BORCS5: variants seen among roughly 807,000 people sequenced by gnomAD.
BORCS5 encodes the protein BLOC-1-related complex subunit 5.
BORCS5 carries 17 observed loss-of-function variants against 22.1 expected under a neutral mutation model. That is an observed-to-expected ratio of 0.77 (90% confidence interval 0.53 to 1.15). BORCS5 has a LOEUF of 1.15. Among genes scored for constraint, BORCS5 ranks in the 50% most tolerant of loss-of-function variants. BORCS5 has a pLI of 0.00. For synonymous variants in BORCS5, 117 were observed against 99.8 expected (o/e 1.17, Z -1.03); for missense variants, 247 against 253.2 (o/e 0.98, Z 0.17).
At chr12:12,359,506 G>C (rs1863227179) in intron 1 of BORCS5, among the ~76,000 whole-genome samples, 3 of 151,766 alleles carry the variant, frequency 2.0e-5, no homozygotes, top group Admixed American at 6.6e-5. Flanking sequence ...GGATTACAGG[G>C]ACATGCCACC....
intron 2 of BORCS5, among the ~76,000 whole-genome samples, chr12:12,363,459 G>T (rs111937438): frequency 6.6e-6 from 1 of 152,212 alleles, no homozygotes; most frequent in East Asian, 1.9e-4. Flanking sequence ...AAATTAGGCC[G>T]GGCGCAGTGG....
chr12:12,448,887 C>T (rs1173419954), intron 3 of BORCS5, among the ~76,000 whole-genome samples: 1 of 152,194 alleles, frequency 6.6e-6, no homozygotes, highest in Non-Finnish European at 1.5e-5. Flanking sequence ...GCCCAATGTT[C>T]AAGCATGTTC....
intron 2 of BORCS5, among the ~76,000 whole-genome samples, chr12:12,374,737 C>T (rs1218940089): frequency 6.6e-6 from 1 of 151,950 alleles, no homozygotes; most frequent in Non-Finnish European, 1.5e-5. Flanking sequence ...GTGGGTGGAT[C>T]ACTTGAGGTC....
At chr12:12,399,761 T>A (rs941149550) in intron 2 of BORCS5, among the ~76,000 whole-genome samples, 1 of 152,206 alleles carries the variant, frequency 6.6e-6, no homozygotes, top group Non-Finnish European at 1.5e-5. Context: ...CCAAAGACTG[T>A]GTCCTTCTAG....
At chr12:12,413,792 G>A (rs1341610065) in intron 2 of BORCS5, among the ~76,000 whole-genome samples, 7 of 75,814 alleles carry the variant, frequency 9.2e-5, no homozygotes, top group Admixed American at 2.2e-4. Context: ...GCCGGGCAGA[G>A]GCGCCCCTCA....
chr12:12,417,730 A>C (rs571383953), intron 2 of BORCS5, among the ~76,000 whole-genome samples: 2 of 152,268 alleles, frequency 1.3e-5, no homozygotes, highest in East Asian at 3.9e-4. Context: ...ATCTTGGCTC[A>C]CTGCAACCTC....
chr12:12,426,594 A>G (rs1210048906), intron 2 of BORCS5, among the ~76,000 whole-genome samples: 5 of 152,246 alleles, frequency 3.3e-5, no homozygotes, highest in Admixed American at 2.6e-4. Flanking sequence ...AGTGCTTTTC[A>G]TTGCTTACCA....
chr12:12,422,438 A>G (rs1942156733), intron 2 of BORCS5, among the ~76,000 whole-genome samples: 1 of 152,092 alleles, frequency 6.6e-6, no homozygotes, highest in South Asian at 2.1e-4. Flanking sequence ...ACATGGTGAA[A>G]CCCCATCTCT....
intron 2 of BORCS5, among the ~76,000 whole-genome samples, chr12:12,429,146 C>T (rs769466679): frequency 9.9e-5 from 15 of 152,138 alleles, no homozygotes; most frequent in Admixed American, 4.6e-4. Context: ...TCTTAATGCT[C>T]ATTCAGAATG....
intron 3 of BORCS5, among the ~76,000 whole-genome samples, chr12:12,454,064 T>A (rs2136150391): frequency 6.6e-6 from 1 of 152,366 alleles, no homozygotes; most frequent in South Asian, 2.1e-4. Flanking sequence ...AGACCACATT[T>A]TGTTTATCCA....
Position 12,361,271 on chromosome 12 carries a change from C to T in BORCS5, c.124C>T (p.Gln42Ter). ...DDIVVVAQGS[Q>*]ASRNVSNDPD... ...TATTGTGGTTGTAGCTCAGGGCTCC[C>T]AGGCCTCACGGAACGTCAGCAACGA... is the stretch of plus-strand genomic sequence containing the variant. Residue 42 changes from glutamine (Q) to a stop codon, truncating the protein, a stop_gained, in exon 2 of 4, where the codon CAG (glutamine) becomes TAG (stop). Coordinates refer to ENST00000314565, the MANE Select transcript of BORCS5 (RefSeq NM_058169.6). LOFTEE classifies it high-confidence loss of function. 1 of 1,614,176 alleles carries T rather than the reference C, an allele frequency of 6.2e-7. No individual in the cohort carries two copies. The highest frequency in any genetic ancestry group is 1.3e-5 in the African/African-American group (1 of 75,056).
At chr12:12,402,312 G>A (rs901455759) in intron 2 of BORCS5, among the ~76,000 whole-genome samples, 3 of 152,094 alleles carry the variant, frequency 2.0e-5, no homozygotes, top group Non-Finnish European at 4.4e-5. Flanking sequence ...AAAAAGAGTT[G>A]AGAGAGCAAA....
At chr12:12,421,386 C>T (rs564012268) in intron 2 of BORCS5, among the ~76,000 whole-genome samples, 1 of 152,174 alleles carries the variant, frequency 6.6e-6, no homozygotes, top group Non-Finnish European at 1.5e-5. Context: ...AGCCTTGCAT[C>T]CCAGGGATGA....
At chr12:12,405,142 T>C (rs1390147240) in intron 2 of BORCS5, among the ~76,000 whole-genome samples, 1 of 152,198 alleles carries the variant, frequency 6.6e-6, no homozygotes, top group African/African-American at 2.4e-5. Context: ...AAAGTGAACC[T>C]TCAACGAAGT....
chr12:12,425,553 G>A (rs2136111035), intron 2 of BORCS5, among the ~76,000 whole-genome samples: 1 of 152,330 alleles, frequency 6.6e-6, no homozygotes, highest in Non-Finnish European at 1.5e-5. Context: ...TAATGATTAA[G>A]TGGTATCTCA....
intron 2 of BORCS5, among the ~76,000 whole-genome samples, chr12:12,421,650 G>A (rs7978842): frequency 0.16 from 25,032 of 152,076 alleles, 3,109 homozygotes; most frequent in African/African-American, 0.35. Context: ...TTGTACCTCT[G>A]GTAGAATTTG....
At chr12:12,370,837 C>T (rs189655236) in intron 2 of BORCS5, among the ~76,000 whole-genome samples, 1,749 of 152,080 alleles carry the variant, frequency 0.012, 16 homozygotes, top group Non-Finnish European at 0.017. Flanking sequence ...CAAGCTCTGC[C>T]TCCTGGGTTC....
At chr12:12,445,151 C>T (rs573684993) in intron 3 of BORCS5, among the ~76,000 whole-genome samples, 8 of 152,190 alleles carry the variant, frequency 5.3e-5, no homozygotes, top group Non-Finnish European at 1.2e-4. Context: ...TCAAGTGATC[C>T]TCCCACTTCA....
intron 3 of BORCS5, among the ~76,000 whole-genome samples, chr12:12,436,407 C>T (rs1179496862): frequency 1.3e-5 from 2 of 152,200 alleles, no homozygotes; most frequent in Non-Finnish European, 2.9e-5. Context: ...TAGGTACTTC[C>T]TTTAAGCACT....
Sources: gnomAD v4.1 joint callset for allele counts (sites outside exome capture counted in the v4.1 genomes callset) on GRCh38, gnomAD v4.1.1 for gene constraint, MANE v1.5 for transcripts, NCBI Gene and HGNC (gene_info 2026-07-23, HGNC 2026-07-21) for gene names.